GLI3: variants seen among roughly 807,000 people sequenced by gnomAD.
The protein encoded by GLI3 is GLI family zinc finger 3, also known as transcription activator GLI3.
Under a neutral mutation model 100.8 loss-of-function variants are expected in GLI3, and 20 were observed. That is an observed-to-expected ratio of 0.20 (90% CI 0.14 to 0.29). The LOEUF is 0.29. GLI3 is among the 10% of genes least tolerant of loss of function. GLI3 has a pLI of 1.00. For synonymous variants in GLI3, 938 were observed against 860.5 expected (o/e 1.09, Z -1.58); for missense variants, 2,040 against 2,128.5 (o/e 0.96, Z 0.82).
At chr7:42,154,586 G>A (rs926631160) in intron 2 of GLI3, among the ~76,000 whole-genome samples, 12 of 152,240 alleles carry the variant, frequency 7.9e-5, no homozygotes, top group East Asian at 3.9e-4. Flanking sequence ...AAAAACCAAC[G>A]GAATCCAAGT....
At chr7:41,995,039 CTGAAACTCAA>C (rs1788086095) in intron 10 of GLI3, among the ~76,000 whole-genome samples, 2 of 152,322 alleles carry the variant, frequency 1.3e-5, no homozygotes, top group Middle Eastern at 6.8e-3. Flanking sequence ...CTGAAACTAA[CTGAAACTCAA>C]TGTTCGGCCA....
At chr7:41,989,627 A>C (rs1338933014) in intron 10 of GLI3, among the ~76,000 whole-genome samples, 2 of 152,204 alleles carry the variant, frequency 1.3e-5, no homozygotes, top group African/African-American at 4.8e-5. Flanking sequence ...CCAGAACATT[A>C]AAATTCCCTC....
upstream of GLI3, among the ~76,000 whole-genome samples, chr7:42,240,955 C>T (rs1036322239): frequency 1.1e-4 from 16 of 152,168 alleles, no homozygotes; most frequent in African/African-American, 3.9e-4. Context: ...CTTCCATCTC[C>T]CTGCACAGTA....
At chr7:42,145,474 G>T in intron 3 of GLI3, 1 of 398,334 alleles carries the variant, frequency 2.5e-6, no homozygotes, top group South Asian at 1.3e-4. Flanking sequence ...TACTGAGGTT[G>T]ACTGAGAAAA....
chr7:42,228,823 T>G (rs749290669), intron 1 of GLI3, among the ~76,000 whole-genome samples: 3 of 152,196 alleles, frequency 2.0e-5, no homozygotes, highest in Non-Finnish European at 4.4e-5. Flanking sequence ...TGTGAATGGC[T>G]AAGACAGACA....
At chr7:42,200,071 A>G (rs1788008170) in intron 2 of GLI3, among the ~76,000 whole-genome samples, 1 of 152,284 alleles carries the variant, frequency 6.6e-6, no homozygotes, top group African/African-American at 2.4e-5. Context: ...AAGGACCTAT[A>G]CCTAAGGCCA....
rs1293535685 is a variant in GLI3, at chr7:41,965,440, C to T, written c.3633G>A (p.Gly1211=). Residue 1211 remains glycine (G), a synonymous_variant, in exon 15 of 15, where the codon GGG becomes GGA. Coordinates refer to ENST00000395925, the MANE Select transcript of GLI3 (RefSeq NM_000168.6). ...PQNPLRSGPA[G]GYQTLGENSN... is the part of the protein sequence containing the mutation. ...TGTTCTCCCCGAGGGTCTGATAGCC[C>T]CCAGCAGGCCCGCTCCTCAAGGGGT... 6.2e-7 allele frequency: 1 copy of T among 1,607,750 alleles called. No individual in the cohort carries two copies. Among genetic ancestry groups the T allele is most frequent in the South Asian group, 1.1e-5 (1 of 90,990 alleles).
intron 3 of GLI3, among the ~76,000 whole-genome samples, chr7:42,120,703 C>T (rs1194619469): frequency 1.3e-5 from 2 of 152,180 alleles, no homozygotes; most frequent in Admixed American, 6.5e-5. Flanking sequence ...TAGACATATA[C>T]TCTGAATGGC....
intron 10 of GLI3, among the ~76,000 whole-genome samples, chr7:42,020,847 G>T (rs1239415455): frequency 6.8e-6 from 1 of 148,138 alleles, no homozygotes; most frequent in African/African-American, 2.5e-5. Context: ...CCGAGATCGC[G>T]CCACTGCACT....
intron 12 of GLI3, among the ~76,000 whole-genome samples, chr7:41,975,169 C>T (rs529381463): frequency 1.6e-4 from 24 of 152,296 alleles, no homozygotes; most frequent in African/African-American, 5.5e-4. Context: ...AGTCTAGCAG[C>T]CCTAAATGAG....
chr7:41,980,018 A>G (rs972118219), intron 10 of GLI3, among the ~76,000 whole-genome samples: 4 of 152,228 alleles, frequency 2.6e-5, no homozygotes, highest in Admixed American at 1.3e-4. Flanking sequence ...AAAGTTTTCT[A>G]TGCTGTTTCT....
In GLI3 at chr7:41,978,583, C is replaced by T. The variant is rs762917179; in HGVS notation, c.1647+16G>A. ...GGAAGGACCCAAGTGTGCCTGCCAC[C>T]CACTTCTGTACTCACAGTGCATTTG... On this transcript the variant is annotated intron_variant, in intron 11 of 14. Transcript: ENST00000395925. 1 of 1,612,912 alleles carries T rather than the reference C, an allele frequency of 6.2e-7. No individual in the cohort carries two copies. Among genetic ancestry groups the T allele is most frequent in the Non-Finnish European group, 8.5e-7 (1 of 1,178,918 alleles).
chr7:42,213,603 G>C (rs947040668), intron 2 of GLI3, among the ~76,000 whole-genome samples: 1 of 152,196 alleles, frequency 6.6e-6, no homozygotes, highest in Admixed American at 6.5e-5. Context: ...CTCTGTGGCA[G>C]CTCTGAGTCC....
At chr7:42,077,337 C>G (rs1342768941) in intron 3 of GLI3, among the ~76,000 whole-genome samples, 1 of 151,508 alleles carries the variant, frequency 6.6e-6, no homozygotes, top group Non-Finnish European at 1.5e-5. Flanking sequence ...TTGCTAGAAT[C>G]TGTGGCTGAT....
Position 41,966,181 on chromosome 7 carries a change from G to C in GLI3, c.2892C>G (p.Leu964=). 4 of 1,603,586 alleles carry C rather than the reference G, an allele frequency of 2.5e-6. No homozygotes were observed. The highest frequency in any genetic ancestry group is 2.5e-6 in the Non-Finnish European group (3 of 1,177,586). The change falls in exon 15 of 15, where the codon CTC becomes CTG. Residue 964 remains leucine, a synonymous_variant. Transcript: ENST00000395925. The surrounding 1 kb of genome is among the most constrained non-coding windows in gnomAD (Gnocchi z 5.8). Reference sequence around the variant, plus strand: ...CTGGAGGCAGGGCCACGCCAGGCTCGAGGGCATCCCCGAGCAGCGCCAGGC... The same window carrying C: ...CTGGAGGCAGGGCCACGCCAGGCTCCAGGGCATCCCCGAGCAGCGCCAGGC... ...KTRLALLGDA[L]EPGVALPPVH...
chr7:42,083,711 C>T (rs774435156), intron 3 of GLI3, among the ~76,000 whole-genome samples: 31 of 152,066 alleles, frequency 2.0e-4, no homozygotes, highest in Non-Finnish European at 1.2e-4. Context: ...GTTGTCTAAG[C>T]GATAACACTA....
intron 3 of GLI3, among the ~76,000 whole-genome samples, chr7:42,079,303 T>G (rs1784949975): frequency 6.6e-6 from 1 of 152,158 alleles, no homozygotes; most frequent in Non-Finnish European, 1.5e-5. Flanking sequence ...TCAAAGGAAA[T>G]TATGCACCCT....
intron 13 of GLI3, among the ~76,000 whole-genome samples, chr7:41,969,170 G>T (rs1787303419): frequency 6.6e-6 from 1 of 152,188 alleles, no homozygotes. Flanking sequence ...TAAGAAAAGT[G>T]ATGTTCAGAG....
chr7:42,254,237 A>G (rs1011180793), intron 1 of GLI3, among the ~76,000 whole-genome samples: 8 of 149,852 alleles, frequency 5.3e-5, no homozygotes, highest in African/African-American at 1.5e-4. Flanking sequence ...AAAAAAGCCA[A>G]TGGAATAGAG....
Sources: allele counts gnomAD v4.1 joint callset (sites outside exome capture counted in the v4.1 genomes callset), GRCh38; gene constraint gnomAD v4.1.1; non-coding constraint Gnocchi (gnomAD v3.1); transcripts MANE v1.5; gene names NCBI Gene and HGNC (gene_info 2026-07-23, HGNC 2026-07-21).